Variants in GLG1 observed in about 807,000 individuals in gnomAD.
GLG1 encodes golgi glycoprotein 1.
In GLG1, 38 loss-of-function variants were observed where a neutral mutation model predicts 160.5. The observed-to-expected ratio is 0.24, with a 90% CI of 0.18 to 0.31. The LOEUF is 0.31. Ranked by LOEUF, GLG1 falls within the 10% of genes least tolerant of loss-of-function variation. The pLI, the probability that GLG1 is intolerant of heterozygous loss-of-function variation, is 1.00. For missense variants in GLG1, 1,373 were observed against 1,505.2 expected (o/e 0.91, Z 1.45); for synonymous variants, 644 against 543.4 (o/e 1.19, Z -2.57).
chr16:74,488,913 C>A (rs1227113643), intron 8 of GLG1, among the ~76,000 whole-genome samples: 1 of 152,098 alleles, frequency 6.6e-6, no homozygotes, highest in African/African-American at 2.4e-5. Flanking sequence ...GCCACCATGC[C>A]CAGCCTCACT....
intron 1 of GLG1, among the ~76,000 whole-genome samples, chr16:74,596,136 C>T (rs746321442): frequency 2.6e-5 from 4 of 152,012 alleles, no homozygotes; most frequent in Non-Finnish European, 5.9e-5. Flanking sequence ...ATTCCTTTAC[C>T]CAGAGGATTT....
intron 1 of GLG1, among the ~76,000 whole-genome samples, chr16:74,573,414 TCAGA>T (rs893900969): frequency 2.6e-5 from 4 of 152,134 alleles, no homozygotes; most frequent in African/African-American, 9.7e-5. Flanking sequence ...GTATCCACTC[TCAGA>T]CATTCTGATT....
At chr16:74,498,942 A>G (rs2016311261) in intron 4 of GLG1, among the ~76,000 whole-genome samples, 1 of 151,730 alleles carries the variant, frequency 6.6e-6, no homozygotes, top group South Asian at 2.1e-4. Context: ...TTTCAAATCA[A>G]CCAAAGAATG....
Position 74,456,689 on chromosome 16 carries a change from C to T in GLG1, c.3332G>A (p.Arg1111His), listed in dbSNP as rs1320448003. 8 of 1,609,444 alleles carry T rather than the reference C, an allele frequency of 5.0e-6. No homozygotes were observed. Among genetic ancestry groups the T allele is most frequent in the East Asian group, 2.2e-5 (1 of 44,856 alleles). Reference sequence around the variant, plus strand: ...CCACATCTCAATCCGGTCATTGAGGCGCTTTTTGCACTCGGGCTGTAACCT... The same window carrying T: ...CCACATCTCAATCCGGTCATTGAGGTGCTTTTTGCACTCGGGCTGTAACCT... ...RVRLQPECKK[R>H]LNDRIEMWSY... Residue 1111 changes from arginine (R) to histidine (H), a missense_variant, in exon 25 of 26, where the codon CGC (arginine) becomes CAC (histidine). Physicochemically the swap from Arg to His is conservative, Grantham distance 29. This residue lies in a region of GLG1 where 491 missense variants were observed against 632.1 expected (regional missense o/e 0.78). Coordinates refer to ENST00000422840, the MANE Select transcript of GLG1 (RefSeq NM_001145667.2).
intron 20 of GLG1, chr16:74,463,031 C>T (rs532466880): frequency 2.4e-5 from 10 of 420,486 alleles, no homozygotes; most frequent in South Asian, 3.7e-5. Context: ...GTTTCTGTTC[C>T]GAATCAGATT....
At chr16:74,576,902 A>G (rs1424132113) in intron 1 of GLG1, among the ~76,000 whole-genome samples, 1 of 150,492 alleles carries the variant, frequency 6.6e-6, no homozygotes, top group Non-Finnish European at 1.5e-5. Flanking sequence ...TGTACCCTGC[A>G]TATAAATTCT....
rs528071772 is a variant in GLG1, at chr16:74,496,592, T to C, written c.827A>G (p.Lys276Arg). ...VVSCLEKGLV[K>R]EAEEREPKIQ... ...CTTGGGTTCTCTTTCTTCTGCTTCT[T>C]TCACCAGGCCTTTCTCCAAGCATGA... Residue 276 changes from lysine to arginine, a missense_variant, in exon 5 of 26, where the codon AAA becomes AGA. Lys to Arg is a conservative substitution (Grantham distance 26). Transcript: ENST00000422840. 6.2e-7 allele frequency: 1 copy of C among 1,613,406 alleles called. No homozygotes were observed. The highest frequency in any genetic ancestry group is 1.3e-5 in the African/African-American group (1 of 74,862).
At chr16:74,585,138 T>C (rs1013998481) in intron 1 of GLG1, among the ~76,000 whole-genome samples, 1 of 151,918 alleles carries the variant, frequency 6.6e-6, no homozygotes, top group Non-Finnish European at 1.5e-5. Context: ...GCACAGTGAG[T>C]GACTCATGTC....
At chr16:74,490,258 G>GT (rs2015935125) in intron 8 of GLG1, among the ~76,000 whole-genome samples, 1 of 152,032 alleles carries the variant, frequency 6.6e-6, no homozygotes, top group Non-Finnish European at 1.5e-5. Context: ...CTGACCTACA[G>GT]TTATTCAACT....
Position 74,483,022 on chromosome 16 carries a change from C to T in GLG1, c.1673+1G>A, listed in dbSNP as rs1366972239. 2 of 1,547,088 alleles carry T rather than the reference C, an allele frequency of 1.3e-6. No individual in the cohort carries two copies. Among genetic ancestry groups the T allele is most frequent in the Non-Finnish European group, 1.8e-6 (2 of 1,119,038 alleles). On this transcript the variant is annotated splice_donor_variant, in intron 10 of 25. Coordinates refer to ENST00000422840, the MANE Select transcript of GLG1 (RefSeq NM_001145667.2). LOFTEE classifies it high-confidence loss of function. ...ATTTACTTTGGCTTCAAAATACTCA[C>T]TTCCAATCCCGGGAGATGAAATACT...
At chr16:74,492,075 G>C (rs1353393329) in intron 7 of GLG1, among the ~76,000 whole-genome samples, 3 of 151,614 alleles carry the variant, frequency 2.0e-5, no homozygotes, top group African/African-American at 7.3e-5. Context: ...TCAAAATGTT[G>C]CACAATGTGT....
rs546957128 is a variant in GLG1, at chr16:74,472,977, G to A, written c.2053-566C>T. 8.4e-5 allele frequency: 13 copies of A among 155,658 alleles called. No homozygotes were observed. In the South Asian group the frequency reaches 2.1e-3, roughly 25 times the overall value. 9.6% of individuals were successfully genotyped at this position (155,658 alleles called of 1,614,324 possible). Reference sequence around the variant, plus strand: ...TGACAATGATAATGTGAGAGATGACGACGAAATGAGAGAAGGCAATGAACT... The same window carrying A: ...TGACAATGATAATGTGAGAGATGACAACGAAATGAGAGAAGGCAATGAACT... On this transcript the variant is annotated intron_variant, in intron 13 of 25. Transcript: ENST00000422840.
At chr16:74,570,726 T>C (rs1298219769) in intron 1 of GLG1, among the ~76,000 whole-genome samples, 2 of 151,996 alleles carry the variant, frequency 1.3e-5, no homozygotes, top group Non-Finnish European at 2.9e-5. Flanking sequence ...TGGGACCCTG[T>C]CTCTATAAAA....
chr16:74,484,968 C>T (rs1361587397), intron 9 of GLG1, among the ~76,000 whole-genome samples: 1 of 151,928 alleles, frequency 6.6e-6, no homozygotes, highest in East Asian at 1.9e-4. Context: ...GGCTGGAGTG[C>T]AGTGGTATGA....
rs762295302 is a variant in GLG1, at chr16:74,462,647, T to C, written c.2792-17A>G. 9 of 1,613,156 alleles carry C rather than the reference T, an allele frequency of 5.6e-6. No homozygotes were observed. Among genetic ancestry groups the C allele is most frequent in the African/African-American group, 1.3e-5 (1 of 74,908 alleles). On this transcript the variant is annotated splice_polypyrimidine_tract_variant and intron_variant, in intron 20 of 25. Transcript: ENST00000422840. The stretch of plus-strand genomic sequence containing the variant: ...AGCGGTAATCTAGAGTAGAAAGCAG[T>C]GAGCATGTGACAAAACATTCCACCT...
At chr16:74,491,989 C>T (rs1004909131) in intron 7 of GLG1, among the ~76,000 whole-genome samples, 6 of 151,872 alleles carry the variant, frequency 4.0e-5, no homozygotes, top group East Asian at 3.9e-4. Flanking sequence ...GTCACCCAGA[C>T]GGTTTGTTTA....
chr16:74,570,807 G>A (rs1316103031), intron 1 of GLG1, among the ~76,000 whole-genome samples: 2 of 152,174 alleles, frequency 1.3e-5, no homozygotes, highest in Admixed American at 6.5e-5. Flanking sequence ...AGAATGGGTT[G>A]AGCCCAGGAG....
chr16:74,554,991 G>A (rs964738268), intron 1 of GLG1, among the ~76,000 whole-genome samples: 4 of 152,146 alleles, frequency 2.6e-5, no homozygotes, highest in Non-Finnish European at 5.9e-5. Context: ...CCTCCAACCT[G>A]AGCGACTGAG....
chr16:74,592,206 G>A (rs1401318438), intron 1 of GLG1, among the ~76,000 whole-genome samples: 1 of 152,142 alleles, frequency 6.6e-6, no homozygotes, highest in Non-Finnish European at 1.5e-5. Context: ...GCAATAGAGC[G>A]ATCTTGGCTC....
Sources: gnomAD v4.1 joint callset for allele counts (sites outside exome capture counted in the v4.1 genomes callset) on GRCh38, gnomAD v4.1.1 for gene constraint, gnomAD v4.1.1 regional missense constraint, MANE v1.5 for transcripts, NCBI Gene and HGNC (gene_info 2026-07-23, HGNC 2026-07-21) for gene names.